Variants in SYNDIG1 observed in about 807,000 individuals in gnomAD.
SYNDIG1 encodes synapse differentiation-inducing gene protein 1.
In SYNDIG1, 9 loss-of-function variants were observed where a neutral mutation model predicts 19.4. The ratio of observed to expected loss-of-function variants is 0.46; its 90% CI spans 0.28 to 0.81. SYNDIG1 has a LOEUF of 0.81. SYNDIG1 is among the 30% of genes least tolerant of loss of function. The probability of loss-of-function intolerance (pLI) is 0.12; values close to 1 mark genes in which losing one functional copy is unlikely to be tolerated. For missense variants in SYNDIG1, 311 were observed against 343.3 expected, an observed-to-expected ratio of 0.91 and a Z score of 0.74; for synonymous variants, 141 against 145.9, an observed-to-expected ratio of 0.97 and a Z score of 0.24.
chr20:24,562,831 A>T (rs1393168253), intron 2 of SYNDIG1, among the ~76,000 whole-genome samples: 1 of 152,228 alleles, frequency 6.6e-6, no homozygotes, highest in Non-Finnish European at 1.5e-5. Context: ...TGGTCAAAGA[A>T]TTGTAATCTT....
chr20:24,565,690 C>T (rs934307357), intron 2 of SYNDIG1, among the ~76,000 whole-genome samples: 4 of 152,166 alleles, frequency 2.6e-5, no homozygotes, highest in African/African-American at 4.8e-5. Flanking sequence ...GCAGATCACC[C>T]GACAGCTCAA....
chr20:24,493,561 C>G (rs916373244), intron 1 of SYNDIG1, among the ~76,000 whole-genome samples: 2 of 152,250 alleles, frequency 1.3e-5, no homozygotes, highest in African/African-American at 4.8e-5. Flanking sequence ...TTAACTACAT[C>G]TTCCCCAATA....
chr20:24,473,753 C>G (rs1424547327), intron 1 of SYNDIG1, among the ~76,000 whole-genome samples: 1 of 152,144 alleles, frequency 6.6e-6, no homozygotes, highest in Non-Finnish European at 1.5e-5. Flanking sequence ...TCTCAGAATG[C>G]CATGTGAATA....
In SYNDIG1 at chr20:24,658,806, T is replaced by C. The variant is rs1230280171; in HGVS notation, c.619-6540T>C. On this transcript the variant is annotated intron_variant, in intron 3 of 3. Coordinates refer to ENST00000376862, the MANE Select transcript of SYNDIG1 (RefSeq NM_024893.3). This position sits in a 1 kb window ranked among gnomAD's most constrained non-coding sequence, Gnocchi z 4.4. ...TCTGCCTCGTTTTCTCCCAGATCCA[T>C]GCTGTCCAGTGTGGGACCCCCAGCC... 6.6e-6 allele frequency among the ~76,000 whole-genome samples: 1 copy of C among 152,130 alleles called. No individual in the cohort carries two copies. Among genetic ancestry groups the C allele is most frequent in the African/African-American group, 2.4e-5 (1 of 41,428 alleles).
At chr20:24,628,045 A>G (rs2059181366) in intron 3 of SYNDIG1, among the ~76,000 whole-genome samples, 1 of 152,226 alleles carries the variant, frequency 6.6e-6, no homozygotes, top group Non-Finnish European at 1.5e-5. Context: ...TGGCACTTAG[A>G]GGAGCACAGG....
intron 1 of SYNDIG1, among the ~76,000 whole-genome samples, chr20:24,484,364 C>T (rs1223684805): frequency 6.6e-6 from 1 of 152,142 alleles, no homozygotes; most frequent in Non-Finnish European, 1.5e-5. Context: ...ACGATATTGG[C>T]CTTTCTCACA....
chr20:24,545,821 G>A (rs2057565442), intron 2 of SYNDIG1, among the ~76,000 whole-genome samples: 2 of 152,170 alleles, frequency 1.3e-5, no homozygotes, highest in African/African-American at 2.4e-5. Flanking sequence ...ACAGCAATAA[G>A]AATCTTTAGT....
intron 2 of SYNDIG1, among the ~76,000 whole-genome samples, chr20:24,547,635 G>A (rs1041884821): frequency 3.3e-5 from 5 of 152,062 alleles, no homozygotes; most frequent in African/African-American, 1.2e-4. Context: ...GTGATAATTG[G>A]GCCTGATGTC....
intron 2 of SYNDIG1, among the ~76,000 whole-genome samples, chr20:24,569,542 G>A (rs749919769): frequency 1.3e-5 from 2 of 152,136 alleles, no homozygotes; most frequent in Non-Finnish European, 2.9e-5. Flanking sequence ...GGAAGGGGTA[G>A]GTCAAAATTT....
chr20:24,561,268 C>A (rs2057940266), intron 2 of SYNDIG1, among the ~76,000 whole-genome samples: 1 of 152,184 alleles, frequency 6.6e-6, no homozygotes, highest in Non-Finnish European at 1.5e-5. Flanking sequence ...CCACCAGGTC[C>A]ACTCAGGATG....
intron 3 of SYNDIG1, among the ~76,000 whole-genome samples, chr20:24,627,121 C>T (rs1325849192): frequency 2.2e-5 from 2 of 92,818 alleles, no homozygotes; most frequent in Admixed American, 1.4e-4. Flanking sequence ...AGAGGGGGAC[C>T]GTGGGGAGAG....
At chr20:24,571,508 G>A (rs543832855) in intron 2 of SYNDIG1, among the ~76,000 whole-genome samples, 1 of 152,068 alleles carries the variant, frequency 6.6e-6, no homozygotes, top group Admixed American at 6.5e-5. Flanking sequence ...ATATTTCAAA[G>A]TGTATATATA....
chr20:24,492,245 T>G (rs1395802024), intron 1 of SYNDIG1, among the ~76,000 whole-genome samples: 1 of 152,140 alleles, frequency 6.6e-6, no homozygotes, highest in South Asian at 2.1e-4. Flanking sequence ...CTTGTCAGGG[T>G]TGGGGCTCTG....
chr20:24,514,149 G>T (rs996789006), intron 1 of SYNDIG1, among the ~76,000 whole-genome samples: 1 of 152,214 alleles, frequency 6.6e-6, no homozygotes, highest in South Asian at 2.1e-4. Context: ...AGGAACACCC[G>T]GTACTAGCCA....
chr20:24,576,123 C>T (rs1463661139), intron 2 of SYNDIG1, among the ~76,000 whole-genome samples: 1 of 152,190 alleles, frequency 6.6e-6, no homozygotes, highest in Non-Finnish European at 1.5e-5. Context: ...ATGGTTAGAC[C>T]AGGCCCACCA....
intron 1 of SYNDIG1, chr20:24,502,443 A>G (rs1318354432): frequency 2.0e-5 from 3 of 152,188 alleles, no homozygotes; most frequent in African/African-American, 7.2e-5. Context: ...GCTCTGATTC[A>G]CAGAGCATCG....
chr20:24,617,085 A>G (rs2058946888), intron 3 of SYNDIG1, among the ~76,000 whole-genome samples: 1 of 152,110 alleles, frequency 6.6e-6, no homozygotes, highest in Admixed American at 6.5e-5. Context: ...TAAGTCACTC[A>G]GGAGGTTTAC....
chr20:24,500,643 C>T (rs761309647), intron 1 of SYNDIG1, among the ~76,000 whole-genome samples: 5 of 151,998 alleles, frequency 3.3e-5, no homozygotes, highest in African/African-American at 7.2e-5. Context: ...AAAACCCAAG[C>T]GCACTGCTGT....
intron 1 of SYNDIG1, among the ~76,000 whole-genome samples, chr20:24,514,726 A>G (rs1407499403): frequency 7.9e-5 from 12 of 152,296 alleles, no homozygotes; most frequent in Middle Eastern, 6.8e-3. Context: ...TGAGACAGAA[A>G]GTTAACAAGG....
Sources: gnomAD v4.1 joint callset for allele counts (sites outside exome capture counted in the v4.1 genomes callset) on GRCh38, gnomAD v4.1.1 for gene constraint, Gnocchi (gnomAD v3.1) non-coding constraint, MANE v1.5 for transcripts, NCBI Gene and HGNC (gene_info 2026-07-23, HGNC 2026-07-21) for gene names.